The following HDAC9 variants were observed in gnomAD, a reference collection of about 807,000 sequenced individuals.
HDAC9 encodes the protein MEF-2 interacting transcription repressor (MITR) protein.
Under a neutral mutation model 139.4 loss-of-function variants are expected in HDAC9, and 41 were observed. That is an observed-to-expected ratio of 0.29 (90% CI 0.23 to 0.38). The LOEUF is 0.38. HDAC9 is among the 10% of genes least tolerant of loss of function. The pLI, the probability that HDAC9 is intolerant of heterozygous loss-of-function variation, is 1.00. For synonymous variants in HDAC9, 517 were observed against 476.2 expected, an observed-to-expected ratio of 1.09 and a Z score of -1.12; for missense variants, 1,147 against 1,297.0, an observed-to-expected ratio of 0.88 and a Z score of 1.78.
intron 2 of HDAC9, among the ~76,000 whole-genome samples, chr7:18,553,149 G>A (rs1817681416): frequency 6.6e-6 from 1 of 152,026 alleles, no homozygotes; most frequent in Non-Finnish European, 1.5e-5. Context: ...TTTTGGCATG[G>A]CCCAAGTCAG....
At position 18,996,048 on chromosome 7, in the gene HDAC9, G is replaced by T. The variant is rs1453540546; in HGVS notation, c.3196G>T (p.Glu1066Ter). The change falls in exon 26 of 26, where the codon GAG (glutamate) becomes TAG (stop). Residue 1066 changes from glutamate to a stop codon, truncating the protein, a stop_gained. Coordinates refer to ENST00000686413, the MANE Select transcript of HDAC9 (RefSeq NM_178425.4). LOFTEE classifies it high-confidence loss of function. ...AACTGCTGGTGAGCCTATGGAAGAG[G>T]AGCCAGCCTTGTGAAGTGCCAAGTC... ...SRTAGEPMEE[E>*]PAL 1 of 1,605,838 alleles carries T rather than the reference G, an allele frequency of 6.2e-7. No homozygotes were observed. The highest frequency in any genetic ancestry group is 1.7e-4 in the Middle Eastern group (1 of 5,830).
At chr7:18,562,662 A>G (rs1350980742) in intron 2 of HDAC9, among the ~76,000 whole-genome samples, 2 of 152,158 alleles carry the variant, frequency 1.3e-5, no homozygotes, top group African/African-American at 4.8e-5. Flanking sequence ...TAACTTTGTA[A>G]TAAGTTTTGA....
chr7:18,929,079 A>G (rs1444735403), intron 22 of HDAC9, among the ~76,000 whole-genome samples: 1 of 152,060 alleles, frequency 6.6e-6, no homozygotes, highest in Admixed American at 6.6e-5. Context: ...CATTTGAGAC[A>G]TGTCACCTTG....
chr7:18,383,227 A>G (rs1785596732), intron 1 of HDAC9, among the ~76,000 whole-genome samples: 1 of 152,238 alleles, frequency 6.6e-6, no homozygotes, highest in South Asian at 2.1e-4. Flanking sequence ...GAAATGAACT[A>G]GAAAACCCAG....
At chr7:18,443,287 A>G (rs1791961750) in intron 1 of HDAC9, among the ~76,000 whole-genome samples, 1 of 152,210 alleles carries the variant, frequency 6.6e-6, no homozygotes, top group Non-Finnish European at 1.5e-5. Context: ...ACGTGGCAAC[A>G]TGATTGGGGA....
intron 2 of HDAC9, among the ~76,000 whole-genome samples, chr7:18,572,297 A>C (rs1166286543): frequency 6.7e-6 from 1 of 148,408 alleles, no homozygotes; most frequent in Non-Finnish European, 1.5e-5. Flanking sequence ...AAATTTGACT[A>C]TTTTGTCATA....
chr7:18,940,937 A>G (rs1781983377), intron 23 of HDAC9, among the ~76,000 whole-genome samples: 1 of 152,128 alleles, frequency 6.6e-6, no homozygotes, highest in African/African-American at 2.4e-5. Flanking sequence ...TGAGTTGAGA[A>G]CATGGCCATT....
At chr7:18,278,499 TCAAAA>T (rs897441088) in intron 2 of HDAC9, among the ~76,000 whole-genome samples, 17 of 152,316 alleles carry the variant, frequency 1.1e-4, no homozygotes, top group African/African-American at 3.8e-4. Flanking sequence ...CACCAATAAT[TCAAAA>T]CAAGGAAATG....
chr7:18,721,050 G>T (rs1368044853), intron 12 of HDAC9, among the ~76,000 whole-genome samples: 2 of 151,822 alleles, frequency 1.3e-5, no homozygotes, highest in African/African-American at 4.8e-5. Context: ...CAAAAATGTA[G>T]TGTTTACAGT....
intron 22 of HDAC9, among the ~76,000 whole-genome samples, chr7:18,927,267 T>G (rs1231645017): frequency 1.3e-5 from 2 of 152,194 alleles, no homozygotes; most frequent in Non-Finnish European, 2.9e-5. Flanking sequence ...GTGCCTACCA[T>G]ATGAATTACA....
chr7:18,498,486 G>A (rs1376786180), intron 2 of HDAC9, among the ~76,000 whole-genome samples: 1 of 152,052 alleles, frequency 6.6e-6, no homozygotes, highest in East Asian at 1.9e-4. Context: ...CTATCAGTAG[G>A]GTTTGTCCTT....
intron 1 of HDAC9, among the ~76,000 whole-genome samples, chr7:18,094,745 C>T (rs1465921914): frequency 1.3e-5 from 2 of 152,092 alleles, no homozygotes; most frequent in African/African-American, 4.8e-5. Flanking sequence ...TGTGAGCCAC[C>T]GTGCCAGGCC....
At chr7:18,099,252 G>A (rs1193003989) in intron 1 of HDAC9, among the ~76,000 whole-genome samples, 1 of 152,152 alleles carries the variant, frequency 6.6e-6, no homozygotes, top group Non-Finnish European at 1.5e-5. Flanking sequence ...CTGAGGTTGA[G>A]AGTTCGACAC....
rs1784240899 is a variant in HDAC9 at position 18,710,165 on chromosome 7, T to C, written c.1732-17415T>C. 1.3e-5 allele frequency among the ~76,000 whole-genome samples: 2 copies of C among 152,110 alleles called. 1 individual carries two copies. The highest frequency in any genetic ancestry group is 4.8e-5 in the African/African-American group (2 of 41,406). On this transcript the variant is annotated intron_variant, in intron 12 of 25. Transcript: ENST00000686413. ...CAGATCTCATGAGACTTATTCACTA[T>C]CATGAGAACAGCATGGAAGAAACCC...
chr7:18,660,390 G>A (rs1487382721), intron 11 of HDAC9, among the ~76,000 whole-genome samples: 1 of 152,104 alleles, frequency 6.6e-6, no homozygotes, highest in Non-Finnish European at 1.5e-5. Flanking sequence ...TGAAAAACGG[G>A]TAGTTATTGC....
At chr7:18,478,316 C>A (rs1032810962) in intron 1 of HDAC9, among the ~76,000 whole-genome samples, 4 of 152,202 alleles carry the variant, frequency 2.6e-5, no homozygotes, top group Non-Finnish European at 5.9e-5. Flanking sequence ...CGGGATCCGC[C>A]TGCCTCGGCC....
At chr7:18,375,471 A>T (rs577890836) in intron 1 of HDAC9, among the ~76,000 whole-genome samples, 45 of 145,976 alleles carry the variant, frequency 3.1e-4, no homozygotes, top group Non-Finnish European at 5.9e-4. Context: ...TCCATCTCAA[A>T]ACAACAACAA....
At chr7:18,305,632 T>C (rs182758307) in intron 1 of HDAC9, among the ~76,000 whole-genome samples, 86 of 151,372 alleles carry the variant, frequency 5.7e-4, no homozygotes, top group African/African-American at 1.9e-3. Flanking sequence ...GAAGTAGTAA[T>C]CTAGAACTGT....
chr7:18,558,300 T>C (rs1365861310), intron 2 of HDAC9, among the ~76,000 whole-genome samples: 2 of 152,218 alleles, frequency 1.3e-5, no homozygotes, highest in Non-Finnish European at 2.9e-5. Context: ...TTTCCGGTTA[T>C]TGGTGTTTCT....
Sources: allele counts gnomAD v4.1 joint callset (sites outside exome capture counted in the v4.1 genomes callset), GRCh38; gene constraint gnomAD v4.1.1; transcripts MANE v1.5; gene names NCBI Gene and HGNC (gene_info 2026-07-23, HGNC 2026-07-21).